PLCL1: variants seen among roughly 807,000 people sequenced by gnomAD.
The protein encoded by PLCL1 is inactive phospholipase C-like protein 1.
PLCL1 carries 41 observed loss-of-function variants against 84.4 expected under a neutral mutation model. The ratio of observed to expected loss-of-function variants is 0.49; its 90% CI spans 0.38 to 0.63. PLCL1 has a LOEUF of 0.63. PLCL1 is among the 30% of genes least tolerant of loss of function. The pLI, the probability that PLCL1 is intolerant of heterozygous loss-of-function variation, is 0.00. For synonymous variants in PLCL1, 490 were observed against 488.3 expected (o/e 1.00, Z -0.05); for missense variants, 1,206 against 1,367.8 (o/e 0.88, Z 1.87).
rs1163183876 is a variant in PLCL1, at chr2:197,824,713, C to CAA, written c.240+19395_240+19396dup. Among the ~76,000 whole-genome samples, 348 of 54,940 alleles carry CAA rather than the reference C, an allele frequency of 6.3e-3. 2 individuals carry two copies. Among genetic ancestry groups the CAA allele is most frequent in the African/African-American group, 0.015 (230 of 15,670 alleles). The allele number at this position is 54,940 out of a possible 152,430, so 36.0% of individuals were successfully genotyped here. On this transcript the variant is annotated intron_variant, in intron 1 of 5. Transcript: ENST00000428675. ...CGGGCAACAGAGCGAGACCCTGTCT[C>CAA]AAAAAAAAAAAAAAAAAAAAAACAT...
chr2:197,893,255 C>T (rs984330543), intron 1 of PLCL1, among the ~76,000 whole-genome samples: 5 of 152,106 alleles, frequency 3.3e-5, no homozygotes, highest in Non-Finnish European at 5.9e-5. Context: ...TAGATTTGAA[C>T]CTTTTTGCTT....
At chr2:198,016,553 G>C (rs1355666210) in intron 1 of PLCL1, among the ~76,000 whole-genome samples, 1 of 152,086 alleles carries the variant, frequency 6.6e-6, no homozygotes, top group East Asian at 1.9e-4. Context: ...TTTCTAGCTG[G>C]GAGACTTGAG....
chr2:198,130,396 G>T (rs912076969), intron 5 of PLCL1, among the ~76,000 whole-genome samples: 2 of 152,118 alleles, frequency 1.3e-5, no homozygotes, highest in African/African-American at 2.4e-5. Flanking sequence ...TTCTGTCCCT[G>T]GGGGACACAG....
chr2:198,083,210 A>AT (rs1209998614), intron 1 of PLCL1, among the ~76,000 whole-genome samples: 1 of 152,168 alleles, frequency 6.6e-6, no homozygotes, highest in Non-Finnish European at 1.5e-5. Context: ...GTGATTGGCT[A>AT]TTGTTAGCTC....
intron 1 of PLCL1, among the ~76,000 whole-genome samples, chr2:197,876,102 A>G (rs1687727560): frequency 6.6e-6 from 1 of 152,208 alleles, no homozygotes; most frequent in Non-Finnish European, 1.5e-5. Context: ...TGAAATTTAC[A>G]TTTGTATCTA....
intron 1 of PLCL1, among the ~76,000 whole-genome samples, chr2:197,825,460 C>T (rs775728034): frequency 1.8e-4 from 27 of 152,202 alleles, no homozygotes; most frequent in Non-Finnish European, 3.7e-4. Context: ...TGGGAAATTA[C>T]AGTGTCTCCT....
rs200920446 is a variant in PLCL1 at position 198,127,011 on chromosome 2, T to TG, written c.3106-19763dup. ...GTGTGAGTGTGTGTGTGTGTGTGTGTGGGGGGTGGTGTATTCTTAGTCCCT... is the reference window on the plus strand; with the variant it reads ...GTGTGAGTGTGTGTGTGTGTGTGTGTGGGGGGGTGGTGTATTCTTAGTCCCT... On this transcript the variant is annotated intron_variant, in intron 5 of 5. Coordinates refer to ENST00000428675, the MANE Select transcript of PLCL1 (RefSeq NM_006226.4). Among the ~76,000 whole-genome samples, 152 of 56,800 alleles carry TG rather than the reference T, an allele frequency of 2.7e-3. 2 individuals carry two copies. Among genetic ancestry groups the TG allele is most frequent in the East Asian group, 0.016 (2 of 122 alleles). The allele number at this position is 56,800 out of a possible 152,430, so 37.3% of individuals were successfully genotyped here. A position where few individuals can be genotyped will look rare whatever the true frequency, so the allele number is the denominator to read the frequency against.
chr2:197,804,849 C>T lies in PLCL1; in HGVS notation c.-251C>T, dbSNP rs1471385779. On this transcript the variant is annotated 5_prime_UTR_variant, in exon 1 of 6. Transcript: ENST00000428675. ...TCTGCCTCCCGCTCACATCGCCTCC[C>T]CACTCCCGCCACCGTCCCCCGCCGG... 1 of 400,170 alleles carries T rather than the reference C, an allele frequency of 2.5e-6. No individual in the cohort carries two copies. Among genetic ancestry groups the T allele is most frequent in the Non-Finnish European group, 4.4e-6 (1 of 225,910 alleles). 24.8% of individuals were successfully genotyped at this position (400,170 alleles called of 1,614,324 possible).
At chr2:198,127,635 TG>T (rs1233236929) in intron 5 of PLCL1, among the ~76,000 whole-genome samples, 1 of 152,202 alleles carries the variant, frequency 6.6e-6, no homozygotes, top group Non-Finnish European at 1.5e-5. Flanking sequence ...TTACACAGGT[TG>T]GGGATACACC....
intron 1 of PLCL1, among the ~76,000 whole-genome samples, chr2:197,884,869 CAG>C (rs1687889422): frequency 6.6e-6 from 1 of 151,966 alleles, no homozygotes; most frequent in Non-Finnish European, 1.5e-5. Flanking sequence ...GCATAGCAAA[CAG>C]AATGATTTCC....
At chr2:198,106,214 G>C (rs1332400624) in intron 5 of PLCL1, among the ~76,000 whole-genome samples, 1 of 151,874 alleles carries the variant, frequency 6.6e-6, no homozygotes, top group African/African-American at 2.4e-5. Flanking sequence ...AGGCAGTCTG[G>C]CTCCAGACCC....
rs1051380495 is a variant in PLCL1, at chr2:198,147,066, A to G, written c.*104A>G. 7.2e-6 allele frequency: 6 copies of G among 828,520 alleles called. No individual in the cohort carries two copies. Among genetic ancestry groups the G allele is most frequent in the Non-Finnish European group, 1.1e-5 (6 of 539,992 alleles). 51.3% of individuals were successfully genotyped at this position (828,520 alleles called of 1,614,324 possible). On this transcript the variant is annotated 3_prime_UTR_variant, in exon 6 of 6. Coordinates refer to ENST00000428675, the MANE Select transcript of PLCL1 (RefSeq NM_006226.4). ...TTATAAGTTCACAAAATGGTGCCCT[A>G]TATGGGGTATTGGACATAGATATTT...
intron 1 of PLCL1, among the ~76,000 whole-genome samples, chr2:198,057,182 T>C (rs1017916215): frequency 6.6e-6 from 1 of 152,176 alleles, no homozygotes; most frequent in South Asian, 2.1e-4. Flanking sequence ...GGTTCTAAAT[T>C]AGAGTCCTCG....
intron 5 of PLCL1, among the ~76,000 whole-genome samples, chr2:198,145,034 A>G (rs549986807): frequency 5.3e-5 from 8 of 152,292 alleles, no homozygotes; most frequent in African/African-American, 1.9e-4. Flanking sequence ...GAAAGTACCC[A>G]TCTCATAGGG....
At chr2:197,991,473 G>A (rs1690345700) in intron 1 of PLCL1, among the ~76,000 whole-genome samples, 1 of 151,844 alleles carries the variant, frequency 6.6e-6, no homozygotes, top group Non-Finnish European at 1.5e-5. Flanking sequence ...TGTTTGTTTG[G>A]ACAACTCTGA....
At chr2:197,905,145 G>A (rs1688353001) in intron 1 of PLCL1, among the ~76,000 whole-genome samples, 1 of 152,066 alleles carries the variant, frequency 6.6e-6, no homozygotes, top group Non-Finnish European at 1.5e-5. Context: ...TTGTTACATA[G>A]GTATACATGT....
intron 1 of PLCL1, among the ~76,000 whole-genome samples, chr2:197,984,232 C>T (rs890979106): frequency 1.3e-5 from 2 of 152,208 alleles, no homozygotes; most frequent in African/African-American, 4.8e-5. Context: ...TAGCTAAAGG[C>T]GCATTACTGA....
chr2:198,112,760 G>A (rs963100620), intron 5 of PLCL1, among the ~76,000 whole-genome samples: 12 of 151,794 alleles, frequency 7.9e-5, no homozygotes, highest in African/African-American at 2.9e-4. Flanking sequence ...TTTGGTGAAC[G>A]CAACTGGGAG....
chr2:197,906,604 C>G (rs1369308761), intron 1 of PLCL1, among the ~76,000 whole-genome samples: 1 of 152,140 alleles, frequency 6.6e-6, no homozygotes, highest in Non-Finnish European at 1.5e-5. Context: ...TGAAGAAAGT[C>G]AATGGTATCT....
Sources: allele counts gnomAD v4.1 joint callset (sites outside exome capture counted in the v4.1 genomes callset), GRCh38; gene constraint gnomAD v4.1.1; transcripts MANE v1.5; gene names NCBI Gene and HGNC (gene_info 2026-07-23, HGNC 2026-07-21).